CDH2: variants seen among roughly 807,000 people sequenced by gnomAD.
CDH2 encodes the protein cadherin-2.
In CDH2, 17 loss-of-function variants were observed where a neutral mutation model predicts 92.0. The observed-to-expected ratio is 0.18, with a 90% CI of 0.13 to 0.28. The LOEUF is 0.28. CDH2 is among the 10% of genes least tolerant of loss of function. The pLI is 1.00. For missense variants in CDH2, 862 were observed against 1,133.1 expected (o/e 0.76, Z 3.44); for synonymous variants, 419 against 415.9 (o/e 1.01, Z -0.09).
At chr18:28,155,348 G>A (rs1042578677) in intron 1 of CDH2, among the ~76,000 whole-genome samples, 1 of 152,138 alleles carries the variant, frequency 6.6e-6, no homozygotes, top group Non-Finnish European at 1.5e-5. Flanking sequence ...AAAACAATAC[G>A]TGATTCACCA....
At chr18:28,012,544 A>G (rs911053917) in intron 3 of CDH2, among the ~76,000 whole-genome samples, 3 of 152,168 alleles carry the variant, frequency 2.0e-5, no homozygotes, top group African/African-American at 7.2e-5. Flanking sequence ...TTAGGTATTA[A>G]TCTCTGCTGG....
intron 2 of CDH2, among the ~76,000 whole-genome samples, chr18:28,037,890 G>C (rs1488518328): frequency 6.6e-6 from 1 of 152,014 alleles, no homozygotes; most frequent in African/African-American, 2.4e-5. Context: ...ATGGGAACAG[G>C]AATCTCAAAA....
intron 1 of CDH2, among the ~76,000 whole-genome samples, chr18:28,164,221 CT>C (rs2016346272): frequency 6.6e-6 from 1 of 152,168 alleles, no homozygotes. Context: ...TACACAGGCC[CT>C]GACATCAGGC....
At chr18:28,019,238 C>T (rs979355186) in intron 2 of CDH2, among the ~76,000 whole-genome samples, 1 of 151,322 alleles carries the variant, frequency 6.6e-6, no homozygotes, top group African/African-American at 2.4e-5. Flanking sequence ...GAAATCACCA[C>T]TAAAAAACTT....
intron 2 of CDH2, among the ~76,000 whole-genome samples, chr18:28,124,375 C>A (rs1003420177): frequency 1.1e-4 from 17 of 152,186 alleles, no homozygotes; most frequent in African/African-American, 4.1e-4. Context: ...TTACAGCAGG[C>A]TTTTATCTCA....
rs1467708355 is a variant in CDH2, at chr18:27,963,821, G to A, written c.2350-300C>T. ...TATAAAACAACTAAAAAACCGACTA[G>A]ACAATATAGTTGTACCATACAAGCA... is the stretch of plus-strand genomic sequence containing the variant. On this transcript the variant is annotated intron_variant, in intron 14 of 15. Coordinates refer to ENST00000269141, the MANE Select transcript of CDH2 (RefSeq NM_001792.5). 4 of 289,250 alleles carry A rather than the reference G, an allele frequency of 1.4e-5. No homozygotes were observed. In the Admixed American group the frequency reaches 1.8e-4, roughly 13 times the overall value. The allele number at this position is 289,250 out of a possible 1,614,324, so 17.9% of individuals were successfully genotyped here.
At chr18:27,978,856 A>G (rs564174762) in intron 14 of CDH2, among the ~76,000 whole-genome samples, 1 of 151,914 alleles carries the variant, frequency 6.6e-6, no homozygotes, top group African/African-American at 2.4e-5. Flanking sequence ...TGGTCTTACT[A>G]TGTTGCCCAG....
chr18:28,123,517 A>G (rs1169782942), intron 2 of CDH2, among the ~76,000 whole-genome samples: 3 of 152,112 alleles, frequency 2.0e-5, no homozygotes, highest in African/African-American at 4.8e-5. Flanking sequence ...ATTACTAGAG[A>G]GAGGATAGGT....
At chr18:28,156,642 CATGTCACCTTCCCAGGTGCAGA>C (rs1568020578) in intron 1 of CDH2, among the ~76,000 whole-genome samples, 1 of 43,890 alleles carries the variant, frequency 2.3e-5, no homozygotes, top group Non-Finnish European at 4.3e-5. Flanking sequence ...CCAGGTGCAG[CATGTCACCTTCCCAGGTGCAGA>C]ATGTCACCTT....
intron 6 of CDH2, among the ~76,000 whole-genome samples, chr18:27,937,451 A>G (rs1186882630): frequency 6.6e-6 from 1 of 152,220 alleles, no homozygotes; most frequent in African/African-American, 2.4e-5. Context: ...TCTGTAAAGC[A>G]TATCAGTAAC....
rs201148355 is a variant in CDH2, at chr18:27,990,224, C to T, written c.1471G>A (p.Val491Ile). ...TATVSVTVIDVNENPYFAPNP... is the reference protein window; with the variant it reads ...TATVSVTVIDINENPYFAPNP... ...GGGGCAAAATAAGGGTTTTCATTTACGTCAATAACTGTAACAGACACGGTT... is the reference window on the plus strand; with the variant it reads ...GGGGCAAAATAAGGGTTTTCATTTATGTCAATAACTGTAACAGACACGGTT... The change falls in exon 10 of 16, where the codon GTA becomes ATA. Residue 491 changes from valine to isoleucine, a missense_variant. Transcript: ENST00000269141. 14 of 1,614,082 alleles carry T rather than the reference C, an allele frequency of 8.7e-6. No individual in the cohort carries two copies. Among genetic ancestry groups the T allele is most frequent in the South Asian group, 2.2e-5 (2 of 91,072 alleles).
At chr18:28,069,916 G>A (rs1013779715) in intron 2 of CDH2, among the ~76,000 whole-genome samples, 1 of 152,070 alleles carries the variant, frequency 6.6e-6, no homozygotes, top group South Asian at 2.1e-4. Context: ...ATGCAAGTAG[G>A]CTCCTCCCAA....
Position 28,154,349 on chromosome 18 carries a change from TGAAATTCACGC to T in CDH2, c.61-6576_61-6566del, listed in dbSNP as rs1178047899. 3.0e-4 allele frequency among the ~76,000 whole-genome samples: 46 copies of T among 152,360 alleles called. 1 individual carries two copies. The South Asian group carries it at 6.2e-3, about 21-fold the overall frequency. On this transcript the variant is annotated intron_variant, in intron 1 of 15. Coordinates refer to ENST00000269141, the MANE Select transcript of CDH2 (RefSeq NM_001792.5). ...AACAAGCCCTCTCGGCCCACCAGCGTGAAATTCACGCTGGTCAGAGGATCTGAACTCATTTA... is the reference window on the plus strand; with the variant it reads ...AACAAGCCCTCTCGGCCCACCAGCGTTGGTCAGAGGATCTGAACTCATTTA...
At chr18:27,942,818 G>A (rs1909175492) in intron 6 of CDH2, among the ~76,000 whole-genome samples, 3 of 152,110 alleles carry the variant, frequency 2.0e-5, no homozygotes, top group Admixed American at 2.0e-4. Context: ...GTGTATGAAC[G>A]AGATTGTCCA....
chr18:28,084,657 C>T (rs1325962971), intron 2 of CDH2, among the ~76,000 whole-genome samples: 1 of 152,064 alleles, frequency 6.6e-6, no homozygotes, highest in African/African-American at 2.4e-5. Context: ...TATGGGCCAG[C>T]TAAACAACTG....
At chr18:28,151,038 G>A (rs1351537597) in intron 1 of CDH2, among the ~76,000 whole-genome samples, 1 of 152,192 alleles carries the variant, frequency 6.6e-6, no homozygotes, top group Admixed American at 6.5e-5. Context: ...GCACTGTGTT[G>A]GTAAATCAGT....
intron 2 of CDH2, among the ~76,000 whole-genome samples, chr18:28,056,176 G>C (rs2014289701): frequency 6.6e-6 from 1 of 151,998 alleles, no homozygotes; most frequent in Admixed American, 6.6e-5. Context: ...AAGGATATTA[G>C]AAGGTTGTGG....
chr18:28,118,661 T>C (rs981777453), intron 2 of CDH2, among the ~76,000 whole-genome samples: 2 of 151,968 alleles, frequency 1.3e-5, no homozygotes, highest in Non-Finnish European at 2.9e-5. Context: ...CAAAATTTAC[T>C]GTTTTGGATT....
intron 2 of CDH2, among the ~76,000 whole-genome samples, chr18:28,062,357 T>C (rs1056258394): frequency 6.6e-6 from 1 of 152,204 alleles, no homozygotes; most frequent in African/African-American, 2.4e-5. Flanking sequence ...AGAAAACATA[T>C]AACTTCTTCA....
Sources: gnomAD v4.1 joint callset for allele counts (sites outside exome capture counted in the v4.1 genomes callset) on GRCh38, gnomAD v4.1.1 for gene constraint, MANE v1.5 for transcripts, NCBI Gene and HGNC (gene_info 2026-07-23, HGNC 2026-07-21) for gene names.